The following ECPAS variants were observed in gnomAD, a reference collection of about 807,000 sequenced individuals.
ECPAS encodes Ecm29 proteasome adaptor and scaffold, also known as proteasome adapter and scaffold protein ECM29.
In ECPAS, 70 loss-of-function variants were observed where a neutral mutation model predicts 255.1. The observed-to-expected ratio is 0.27, with a 90% CI of 0.23 to 0.33. The LOEUF is 0.33. ECPAS is among the 10% of genes least tolerant of loss of function. The probability of loss-of-function intolerance (pLI) is 1.00; values close to 1 mark genes in which losing one functional copy is unlikely to be tolerated. For missense variants in ECPAS, 1,817 were observed against 2,206.4 expected (o/e 0.82, Z 3.54); for synonymous variants, 784 against 775.0 (o/e 1.01, Z -0.19).
rs560918253 is a variant in ECPAS at position 111,428,027 on chromosome 9, G to A, written c.1050+15C>T. 56 of 1,611,284 alleles carry A rather than the reference G, an allele frequency of 3.5e-5. No homozygotes were observed. Among genetic ancestry groups the A allele is most frequent in the South Asian group, 6.6e-5 (6 of 90,398 alleles). On this transcript the variant is annotated intron_variant, in intron 10 of 49. Transcript: ENST00000684092. ...GTTGCAGACAGGCCAATATTCTCTG[G>A]AAAAAACAAATTACCTGAATGTTGG...
intron 48 of ECPAS, among the ~76,000 whole-genome samples, chr9:111,364,894 G>GT (rs2098118385): frequency 1.3e-5 from 2 of 152,106 alleles, no homozygotes; most frequent in African/African-American, 2.4e-5. Context: ...GAAACATTCT[G>GT]TTTTTTCAAA....
chr9:111,408,650 G>A lies in ECPAS; in HGVS notation c.2573C>T (p.Thr858Ile), dbSNP rs934405040. The change falls in exon 24 of 50, where the codon ACA (threonine) becomes ATA (isoleucine). Residue 858 changes from threonine to isoleucine, a missense_variant. Transcript: ENST00000684092. ...TNKMKERAIQ[T>I]LGYFPVGDGD... ...ATCCCCAACTGGAAAATATCCCAGTGTTTGGATTGCTCGTTCTTTCATCTG... is the reference window on the plus strand; with the variant it reads ...ATCCCCAACTGGAAAATATCCCAGTATTTGGATTGCTCGTTCTTTCATCTG... 5 of 1,582,150 alleles carry A rather than the reference G, an allele frequency of 3.2e-6. No individual in the cohort carries two copies. The highest frequency in any genetic ancestry group is 1.2e-5 in the South Asian group (1 of 84,976).
In ECPAS at chr9:111,438,375, C is replaced by A. The variant is rs140332807; in HGVS notation, c.540-1267G>T. 7.2e-4 allele frequency among the ~76,000 whole-genome samples: 109 copies of A among 152,274 alleles called. 2 individuals are homozygous for A. In the East Asian group the frequency reaches 0.018, roughly 25 times the overall value. ...GTGTGGTGGCTCAGGCCTATAATCC[C>A]AGCATTTTGGGAAGCCAAGGTGGGA... On this transcript the variant is annotated intron_variant, in intron 6 of 49. Transcript: ENST00000684092.
chr9:111,409,970 A>C, intron 23 of ECPAS, 71 bp downstream of exon 23: 1 of 1,087,078 alleles, frequency 9.2e-7, no homozygotes, highest in East Asian at 2.6e-5. Context: ...TTCTCATTAT[A>C]ATCTGTTTTT....
chr9:111,392,159 G>C (rs1191749949), intron 28 of ECPAS, among the ~76,000 whole-genome samples: 1 of 152,154 alleles, frequency 6.6e-6, no homozygotes, highest in Non-Finnish European at 1.5e-5. Context: ...AGAGTCACCT[G>C]AACCAGGGAG....
chr9:111,457,231 G>T (rs900006552), intron 2 of ECPAS, among the ~76,000 whole-genome samples: 4 of 152,210 alleles, frequency 2.6e-5, no homozygotes, highest in African/African-American at 9.6e-5. Flanking sequence ...GATTAAAAAG[G>T]ATGTGAGGAA....
chr9:111,460,537 A>G (rs1372989314), intron 2 of ECPAS, among the ~76,000 whole-genome samples: 1 of 152,194 alleles, frequency 6.6e-6, no homozygotes, highest in Non-Finnish European at 1.5e-5. Flanking sequence ...GGAAGAAATA[A>G]TATTTTCATT....
rs543505412 is a variant in ECPAS at position 111,445,246 on chromosome 9, C to A, written c.154-752G>T. 9.9e-5 allele frequency among the ~76,000 whole-genome samples: 15 copies of A among 152,180 alleles called. No individual in the cohort carries two copies. In the South Asian group the frequency reaches 3.1e-3, roughly 32 times the overall value. On this transcript the variant is annotated intron_variant, in intron 3 of 49. Transcript: ENST00000684092. Reference sequence around the variant, plus strand: ...CTGATCTCAAGCAATCCGCCCACCTCGGCCTCCCAAAGTGTTGGGATTACA... The same window carrying A: ...CTGATCTCAAGCAATCCGCCCACCTAGGCCTCCCAAAGTGTTGGGATTACA...
intron 7 of ECPAS, among the ~76,000 whole-genome samples, chr9:111,434,214 C>T (rs2098234331): frequency 6.6e-6 from 1 of 152,140 alleles, no homozygotes; most frequent in Non-Finnish European, 1.5e-5. Context: ...CCCTCCCCTG[C>T]TCGATACAAC....
intron 2 of ECPAS, among the ~76,000 whole-genome samples, chr9:111,465,519 TA>T (rs1564564525): frequency 6.6e-6 from 1 of 151,758 alleles, no homozygotes; most frequent in Non-Finnish European, 1.5e-5. Flanking sequence ...CAGCCTGGGC[TA>T]CAAGAGCAAA....
intron 2 of ECPAS, 142 bp from the exon 3 acceptor site, chr9:111,451,697 T>G: frequency 1.4e-6 from 1 of 713,438 alleles, no homozygotes. Flanking sequence ...ACAGATATTT[T>G]GACACAGCAA....
chr9:111,476,974 G>C (rs896136511), intron 1 of ECPAS, among the ~76,000 whole-genome samples: 8 of 151,848 alleles, frequency 5.3e-5, no homozygotes. Context: ...GCCTAATTTT[G>C]TATTTTTAGT....
At chr9:111,463,185 C>T (rs958976782) in intron 2 of ECPAS, among the ~76,000 whole-genome samples, 7 of 152,190 alleles carry the variant, frequency 4.6e-5, no homozygotes, top group African/African-American at 1.4e-4. Flanking sequence ...TCACTACAGT[C>T]GGCTGATAGA....
chr9:111,428,330 C>A (rs2098224721), intron 9 of ECPAS, among the ~76,000 whole-genome samples, 169 bp from the exon 10 acceptor site: 1 of 152,108 alleles, frequency 6.6e-6, no homozygotes, highest in South Asian at 2.1e-4. Flanking sequence ...ATCTGTGTAA[C>A]CTATCAATAT....
intron 1 of ECPAS, among the ~76,000 whole-genome samples, chr9:111,482,752 TTTATGAC>T (rs2098308072): frequency 6.6e-6 from 1 of 152,102 alleles, no homozygotes. Flanking sequence ...AACTTCGGTA[TTTATGAC>T]CCCAGCGTGG....
chr9:111,478,441 C>A (rs1207533226), intron 1 of ECPAS, among the ~76,000 whole-genome samples: 5 of 151,958 alleles, frequency 3.3e-5, no homozygotes, highest in African/African-American at 1.2e-4. Flanking sequence ...GCAGGAGAAT[C>A]GCTTGAACCC....
Position 111,464,675 on chromosome 9 carries a change from A to T in ECPAS, c.22+8222T>A, listed in dbSNP as rs930524881. ...TCTAAGATCAAACAAAATAAGCTGC[A>T]GAAGGATATGTACAGTTTAGTCCCA... is the stretch of plus-strand genomic sequence containing the variant. On this transcript the variant is annotated intron_variant, in intron 2 of 49. Transcript: ENST00000684092. Among the ~76,000 whole-genome samples, 5 of 151,868 alleles carry T rather than the reference A, an allele frequency of 3.3e-5. No homozygotes were observed. In the East Asian group the frequency reaches 5.8e-4, roughly 18 times the overall value.
chr9:111,400,092 A>G (rs75943501), intron 24 of ECPAS, among the ~76,000 whole-genome samples: 6,921 of 152,298 alleles, frequency 0.045, 194 homozygotes, highest in Middle Eastern at 0.072. Flanking sequence ...GAGGGAAGAG[A>G]GCAAGAAACT....
At chr9:111,454,547 AG>A (rs1458783568) in intron 2 of ECPAS, among the ~76,000 whole-genome samples, 2 of 152,204 alleles carry the variant, frequency 1.3e-5, no homozygotes, top group African/African-American at 4.8e-5. Context: ...GCTACACCAG[AG>A]GAAAAGGTAA....
Sources: allele counts gnomAD v4.1 joint callset (sites outside exome capture counted in the v4.1 genomes callset), GRCh38; gene constraint gnomAD v4.1.1; transcripts MANE v1.5; gene names NCBI Gene and HGNC (gene_info 2026-07-23, HGNC 2026-07-21).